RBPMS: variants seen among roughly 807,000 people sequenced by gnomAD.
RBPMS encodes the protein RNA-binding protein with multiple splicing.
RBPMS carries 7 observed loss-of-function variants against 26.8 expected under a neutral mutation model. The ratio of observed to expected loss-of-function variants is 0.26; its 90% CI spans 0.15 to 0.49. RBPMS has a LOEUF of 0.49. Ranked by LOEUF, RBPMS falls within the 20% of genes least tolerant of loss-of-function variation. RBPMS has a pLI of 0.98. For missense variants in RBPMS, 186 were observed against 250.0 expected (o/e 0.74, Z 1.73); for synonymous variants, 96 against 93.3 (o/e 1.03, Z -0.17).
At chr8:30,478,722 T>G (rs113011289) in intron 3 of RBPMS, among the ~76,000 whole-genome samples, 4,541 of 152,206 alleles carry the variant, frequency 0.03, 218 homozygotes, top group African/African-American at 0.1. Flanking sequence ...ATGGTCTTGA[T>G]CTCTTGACCT....
At chr8:30,438,429 C>A (rs773902630) in intron 1 of RBPMS, among the ~76,000 whole-genome samples, 2 of 152,120 alleles carry the variant, frequency 1.3e-5, no homozygotes, top group Non-Finnish European at 2.9e-5. Context: ...AAATAGCAGC[C>A]AAAAATGCCA....
intron 1 of RBPMS, among the ~76,000 whole-genome samples, chr8:30,428,455 C>CA (rs773508836): frequency 0.012 from 1,756 of 143,308 alleles, 5 homozygotes; most frequent in African/African-American, 0.021. Context: ...GACGCTGTCT[C>CA]AAAAAAAAAA....
Position 30,477,825 on chromosome 8 carries a change from C to G in RBPMS, c.171C>G (p.Leu57=). 1.2e-6 allele frequency: 2 copies of G among 1,608,642 alleles called. No individual in the cohort carries two copies. The highest frequency in any genetic ancestry group is 8.5e-7 in the Non-Finnish European group (1 of 1,175,520). Residue 57 remains leucine (L), a synonymous_variant, in exon 3 of 9, where the codon CTC becomes CTG. Transcript: ENST00000397323. ...FKGYEGSLIK[L]TSKQPVGFVS... is the part of the protein sequence containing the mutation. ...GCTATGAGGGTTCTCTTATAAAGCTCACATCTAAACAGGTAAGAATTTCAA... is the reference window on the plus strand; with the variant it reads ...GCTATGAGGGTTCTCTTATAAAGCTGACATCTAAACAGGTAAGAATTTCAA...
chr8:30,511,485 AAATATATATATATAT>A (rs1249428212), intron 5 of RBPMS, among the ~76,000 whole-genome samples: 360 of 6,136 alleles, frequency 0.059, 10 homozygotes, highest in South Asian at 0.13. Context: ...AAAAAAAAAA[AAATATATATATATAT>A]ATATATATAT....
chr8:30,415,231 C>G (rs977816751), intron 1 of RBPMS, among the ~76,000 whole-genome samples: 1 of 152,160 alleles, frequency 6.6e-6, no homozygotes, highest in Non-Finnish European at 1.5e-5. Flanking sequence ...TTCAACAATT[C>G]TACTTTCCAA....
intron 1 of RBPMS, among the ~76,000 whole-genome samples, chr8:30,430,659 G>A (rs896279795): frequency 2.6e-5 from 4 of 152,190 alleles, no homozygotes; most frequent in Non-Finnish European, 5.9e-5. Flanking sequence ...CTGTGGTAGA[G>A]TAATCATTGT....
chr8:30,544,038 G>C (rs781580110), intron 5 of RBPMS, among the ~76,000 whole-genome samples: 1 of 152,226 alleles, frequency 6.6e-6, no homozygotes, highest in Non-Finnish European at 1.5e-5. Context: ...CCAATAAACA[G>C]AAAAGTCTTC....
chr8:30,547,271 T>TG, intron 6 of RBPMS: 1 of 1,516,748 alleles, frequency 6.6e-7, no homozygotes, highest in Non-Finnish European at 9.1e-7. Context: ...TTTTGAGACA[T>TG]GGATTTTTTT....
At chr8:30,449,093 G>C (rs1268169834) in intron 1 of RBPMS, among the ~76,000 whole-genome samples, 1 of 152,178 alleles carries the variant, frequency 6.6e-6, no homozygotes, top group African/African-American at 2.4e-5. Context: ...TGAGAACCTT[G>C]CTAATTGCAC....
intron 1 of RBPMS, among the ~76,000 whole-genome samples, chr8:30,453,050 A>C (rs2150751592): frequency 6.6e-6 from 1 of 152,302 alleles, no homozygotes; most frequent in African/African-American, 2.4e-5. Flanking sequence ...TGGTCTCTGC[A>C]GCAGTATTTC....
At chr8:30,495,242 C>T (rs182682282) in intron 4 of RBPMS, among the ~76,000 whole-genome samples, 56 of 150,140 alleles carry the variant, frequency 3.7e-4, no homozygotes, top group Middle Eastern at 3.5e-3. Flanking sequence ...AATTTTATTG[C>T]GTTTTATGGA....
chr8:30,456,353 G>A (rs1206214123), intron 1 of RBPMS, among the ~76,000 whole-genome samples: 1 of 151,084 alleles, frequency 6.6e-6, no homozygotes, highest in Non-Finnish European at 1.5e-5. Context: ...TCTAAGCGCT[G>A]CTTACACTCT....
intron 1 of RBPMS, among the ~76,000 whole-genome samples, chr8:30,420,587 G>A (rs1157852239): frequency 6.6e-6 from 1 of 152,210 alleles, no homozygotes; most frequent in Non-Finnish European, 1.5e-5. Flanking sequence ...ATGCGGGTCA[G>A]TTGAAGTGTT....
At chr8:30,538,202 C>T (rs952881853) in intron 5 of RBPMS, among the ~76,000 whole-genome samples, 6 of 152,152 alleles carry the variant, frequency 3.9e-5, no homozygotes, top group Admixed American at 6.5e-5. Flanking sequence ...ACACAAAAAC[C>T]GCCATGGTAA....
intron 8 of RBPMS, among the ~76,000 whole-genome samples, chr8:30,567,160 C>T (rs1421096401): frequency 6.6e-6 from 1 of 152,116 alleles, no homozygotes; most frequent in African/African-American, 2.4e-5. Context: ...TCTGAGGGGC[C>T]TATGAAAAAA....
intron 6 of RBPMS, chr8:30,552,318 A>C (rs1585860135): frequency 6.6e-6 from 1 of 152,342 alleles, no homozygotes; most frequent in African/African-American, 2.4e-5. Flanking sequence ...TTGGAATTAT[A>C]AAATGTAGCC....
At chr8:30,561,417 C>T (rs575403780) in intron 7 of RBPMS, among the ~76,000 whole-genome samples, 2 of 152,284 alleles carry the variant, frequency 1.3e-5, no homozygotes, top group South Asian at 4.2e-4. Flanking sequence ...GCTCCCTATT[C>T]CATGACAGTG....
chr8:30,541,981 C>T (rs1442960858), intron 5 of RBPMS, among the ~76,000 whole-genome samples: 1 of 152,218 alleles, frequency 6.6e-6, no homozygotes, highest in Non-Finnish European at 1.5e-5. Flanking sequence ...GTGAGGACTG[C>T]TTCAGGTGCG....
Position 30,384,953 on chromosome 8 carries a change from C to G in RBPMS, c.-140C>G. 2 of 497,070 alleles carry G rather than the reference C, an allele frequency of 4.0e-6. No individual in the cohort carries two copies. Among genetic ancestry groups the G allele is most frequent in the Non-Finnish European group, 6.5e-6 (2 of 307,840 alleles). 30.8% of individuals were successfully genotyped at this position (497,070 alleles called of 1,614,324 possible). ...AACCCGAGCCCGACAGCCACTGCCC[C>G]GGCTCCAGCTCCAGCCCCACAGCCC... On this transcript the variant is annotated 5_prime_UTR_variant, in exon 1 of 9. Transcript: ENST00000397323. The surrounding 1 kb of genome is among the most constrained non-coding windows in gnomAD (Gnocchi z 5.6).
Sources: gnomAD v4.1 joint callset for allele counts (sites outside exome capture counted in the v4.1 genomes callset) on GRCh38, gnomAD v4.1.1 for gene constraint, Gnocchi (gnomAD v3.1) non-coding constraint, MANE v1.5 for transcripts, NCBI Gene and HGNC (gene_info 2026-07-23, HGNC 2026-07-21) for gene names.